The following CACHD1 variants were observed in gnomAD, a reference collection of about 807,000 sequenced individuals.
The protein encoded by CACHD1 is VWFA and cache domain-containing protein 1.
CACHD1 carries 71 observed loss-of-function variants against 138.7 expected under a neutral mutation model. The observed-to-expected ratio is 0.51, with a 90% CI of 0.42 to 0.62. The LOEUF is 0.62. CACHD1 is among the 20% of genes least tolerant of loss of function. CACHD1 has a pLI of 0.00. For synonymous variants in CACHD1, 578 were observed against 591.5 expected, an observed-to-expected ratio of 0.98 and a Z score of 0.33; for missense variants, 1,389 against 1,625.3, an observed-to-expected ratio of 0.85 and a Z score of 2.50.
intron 4 of CACHD1, 66 bp from the exon 5 acceptor site, chr1:64,629,289 T>C (rs1648218611): frequency 6.4e-7 from 1 of 1,555,928 alleles, no homozygotes; most frequent in African/African-American, 1.4e-5. Flanking sequence ...AACAGATGCC[T>C]GAGGAGCAGT....
intron 1 of CACHD1, among the ~76,000 whole-genome samples, chr1:64,509,033 G>A (rs1204521884): frequency 6.6e-6 from 1 of 152,026 alleles, no homozygotes; most frequent in African/African-American, 2.4e-5. Context: ...TTCCTTTTAA[G>A]GCTTTTATTG....
intron 16 of CACHD1, among the ~76,000 whole-genome samples, chr1:64,668,921 C>T (rs1649727288): frequency 6.6e-6 from 1 of 152,050 alleles, no homozygotes; most frequent in South Asian, 2.1e-4. Flanking sequence ...GCCTTGGGTG[C>T]CAGCTTGAGA....
In CACHD1 at chr1:64,641,801, T is replaced by C. The variant is rs774451204; in HGVS notation, c.1007-19T>C. Reference sequence around the variant, plus strand: ...GCTGGAATCCAAAGAGAGCATTCAATTGATGTGTTTTTGTTTAGATACAGA... The same window carrying C: ...GCTGGAATCCAAAGAGAGCATTCAACTGATGTGTTTTTGTTTAGATACAGA... On this transcript the variant is annotated intron_variant, in intron 7 of 26. Transcript: ENST00000651257. The C allele has an allele frequency of 9.9e-6, 15 of 1,521,224 alleles. No homozygotes were observed. In the South Asian group the frequency reaches 1.2e-4, roughly 12 times the overall value. The allele number at this position is 1,521,224 out of a possible 1,614,324, so 94.2% of individuals were successfully genotyped here. A position where few individuals can be genotyped will look rare whatever the true frequency, so the allele number is the denominator to read the frequency against.
At chr1:64,555,720 C>T (rs1232020067) in intron 2 of CACHD1, among the ~76,000 whole-genome samples, 1 of 152,170 alleles carries the variant, frequency 6.6e-6, no homozygotes. Flanking sequence ...CCCGCCTGGC[C>T]TCATTTAAGT....
intron 2 of CACHD1, among the ~76,000 whole-genome samples, chr1:64,579,563 G>A (rs941024801): frequency 6.6e-5 from 10 of 152,126 alleles, no homozygotes; most frequent in African/African-American, 2.4e-4. Flanking sequence ...TCCTATGTGG[G>A]AAATTAATGA....
intron 10 of CACHD1, among the ~76,000 whole-genome samples, 184 bp from the exon 11 acceptor site, chr1:64,653,574 T>C (rs1649170384): frequency 6.6e-6 from 1 of 152,176 alleles, no homozygotes; most frequent in Non-Finnish European, 1.5e-5. Flanking sequence ...GACATCTTTC[T>C]ACGCCTCAAG....
At chr1:64,676,824 TA>T in intron 21 of CACHD1, 70 bp from the exon 22 acceptor site, 2 of 1,238,544 alleles carry the variant, frequency 1.6e-6, no homozygotes, top group Non-Finnish European at 2.3e-6. Context: ...TGACTGCTGT[TA>T]AGGACCAGGA....
At chr1:64,542,388 A>G (rs1422785243) in intron 1 of CACHD1, among the ~76,000 whole-genome samples, 1 of 152,072 alleles carries the variant, frequency 6.6e-6, no homozygotes, top group Non-Finnish European at 1.5e-5. Context: ...CCTTTGTTAT[A>G]CAAACTGGAA....
intron 3 of CACHD1, among the ~76,000 whole-genome samples, chr1:64,597,258 A>T (rs1647160782): frequency 6.6e-6 from 1 of 152,096 alleles, no homozygotes; most frequent in African/African-American, 2.4e-5. Context: ...TTTATCTTCT[A>T]CATTTGCTGA....
chr1:64,532,809 A>T (rs1646598326), intron 1 of CACHD1, among the ~76,000 whole-genome samples: 1 of 152,018 alleles, frequency 6.6e-6, no homozygotes, highest in Non-Finnish European at 1.5e-5. Flanking sequence ...TCTATGTCTG[A>T]CTCATCATCT....
intron 1 of CACHD1, among the ~76,000 whole-genome samples, chr1:64,500,751 A>T (rs1448477441): frequency 6.8e-6 from 1 of 146,374 alleles, no homozygotes; most frequent in Non-Finnish European, 1.5e-5. Flanking sequence ...AGAGAGAGAG[A>T]GAGAGAGAGA....
intron 1 of CACHD1, among the ~76,000 whole-genome samples, chr1:64,507,789 G>A (rs915326106): frequency 2.0e-5 from 3 of 152,204 alleles, no homozygotes; most frequent in Non-Finnish European, 4.4e-5. Context: ...ACCTTTAGGA[G>A]TCAGAAGACT....
At chr1:64,658,190 A>G (rs1254564191) in intron 12 of CACHD1, among the ~76,000 whole-genome samples, 1 of 152,222 alleles carries the variant, frequency 6.6e-6, no homozygotes, top group Non-Finnish European at 1.5e-5. Context: ...GAGAAGAGAA[A>G]GCATTCGTTG....
At chr1:64,684,363 C>CTTTTTTTTTTTTTTTTT (rs397980387) in intron 26 of CACHD1, among the ~76,000 whole-genome samples, 6 of 54,960 alleles carry the variant, frequency 1.1e-4, no homozygotes, top group Admixed American at 5.6e-4. Flanking sequence ...TCTTCTTCTT[C>CTTTTTTTTTTTTTTTTT]TTTTTTTTTT....
chr1:64,685,044 G>C lies in CACHD1; in HGVS notation c.3586+2938G>C, dbSNP rs370424439. Among the ~76,000 whole-genome samples, 34 of 152,102 alleles carry C rather than the reference G, an allele frequency of 2.2e-4. 1 individual carries two copies. The East Asian group carries it at 2.3e-3, about 10-fold the overall frequency. ...GGCTGGTCTCGAACTCCCAACCTCA[G>C]GTGATCCGCCCACCCCAGCCTCGCA... On this transcript the variant is annotated intron_variant, in intron 26 of 26. Transcript: ENST00000651257.
chr1:64,543,598 C>G (rs898309891), intron 1 of CACHD1, among the ~76,000 whole-genome samples: 1 of 151,156 alleles, frequency 6.6e-6, no homozygotes, highest in Non-Finnish European at 1.5e-5. Context: ...TAAAAGTGAC[C>G]AAGATCTATA....
chr1:64,634,476 TGG>T (rs1648439228), intron 7 of CACHD1, among the ~76,000 whole-genome samples: 1 of 151,942 alleles, frequency 6.6e-6, no homozygotes, highest in African/African-American at 2.4e-5. Flanking sequence ...CTTGACTTCC[TGG>T]GCTCCAGCAA....
At chr1:64,641,438 A>G (rs113484064) in intron 7 of CACHD1, among the ~76,000 whole-genome samples, 133 of 152,336 alleles carry the variant, frequency 8.7e-4, no homozygotes, top group African/African-American at 3.0e-3. Context: ...ATTCATGGTG[A>G]TGTTCCTGCA....
chr1:64,691,118 G>A (rs942669452), intron 26 of CACHD1, among the ~76,000 whole-genome samples: 1 of 151,266 alleles, frequency 6.6e-6, no homozygotes, highest in African/African-American at 2.4e-5. Flanking sequence ...TATTTATTGT[G>A]TCATTGTTTT....
Sources: allele counts gnomAD v4.1 joint callset (sites outside exome capture counted in the v4.1 genomes callset), GRCh38; gene constraint gnomAD v4.1.1; transcripts MANE v1.5; gene names NCBI Gene and HGNC (gene_info 2026-07-23, HGNC 2026-07-21).